PDE1C: variants seen among roughly 807,000 people sequenced by gnomAD.
PDE1C encodes the protein phosphodiesterase 1C, also known as dual specificity calcium/calmodulin-dependent 3',5'-cyclic nucleotide phosphodiesterase 1C.
In PDE1C, 62 loss-of-function variants were observed where a neutral mutation model predicts 93.1. The observed-to-expected ratio is 0.67, with a 90% CI of 0.54 to 0.82. The LOEUF is 0.82. Ranked by LOEUF, PDE1C falls within the 40% of genes least tolerant of loss-of-function variation. The probability of loss-of-function intolerance (pLI) is 0.00; values close to 1 mark genes in which losing one functional copy is unlikely to be tolerated. For missense variants in PDE1C, 742 were observed against 884.6 expected (o/e 0.84, Z 2.04); for synonymous variants, 325 against 310.1 (o/e 1.05, Z -0.50).
At chr7:31,822,041 A>G (rs1789038285) in intron 14 of PDE1C, among the ~76,000 whole-genome samples, 1 of 152,086 alleles carries the variant, frequency 6.6e-6, no homozygotes, top group African/African-American at 2.4e-5. Context: ...TGGCAACTTC[A>G]GGGCTTTGAC....
intron 7 of PDE1C, among the ~76,000 whole-genome samples, chr7:31,851,226 T>A (rs1162667563): frequency 6.6e-6 from 1 of 152,180 alleles, no homozygotes; most frequent in Non-Finnish European, 1.5e-5. Flanking sequence ...GGCTTTCTGC[T>A]CTATGCATGC....
chr7:31,781,820 G>A (rs909225397), intron 16 of PDE1C, among the ~76,000 whole-genome samples: 4 of 151,818 alleles, frequency 2.6e-5, no homozygotes, highest in Admixed American at 6.6e-5. Flanking sequence ...GTTTAGTTTC[G>A]TGTGATTTGA....
chr7:31,879,280 C>A, intron 3 of PDE1C, 102 bp from the exon 4 acceptor site: 1 of 1,121,188 alleles, frequency 8.9e-7, no homozygotes, highest in South Asian at 1.6e-5. Flanking sequence ...ATGTTAGGTG[C>A]AAAGAAACCA....
chr7:32,207,355 CAAA>C (rs568631714), intron 2 of PDE1C, among the ~76,000 whole-genome samples: 4 of 110,028 alleles, frequency 3.6e-5, no homozygotes, highest in African/African-American at 3.5e-5. Flanking sequence ...CTTCCAGTCT[CAAA>C]AAAAAAAAAA....
chr7:32,255,410 G>A (rs1327991239), intron 1 of PDE1C, among the ~76,000 whole-genome samples: 2 of 152,144 alleles, frequency 1.3e-5, no homozygotes, highest in Admixed American at 6.5e-5. Context: ...ACTTGAGAGC[G>A]CATCAGAAAC....
chr7:32,318,459 G>T (rs1356023193), intron 1 of PDE1C, among the ~76,000 whole-genome samples: 1 of 151,562 alleles, frequency 6.6e-6, no homozygotes, highest in Non-Finnish European at 1.5e-5. Context: ...CTCCGCCGCG[G>T]TCTACACAGC....
intron 2 of PDE1C, among the ~76,000 whole-genome samples, chr7:32,183,793 TG>T (rs1803624895): frequency 1.3e-5 from 2 of 151,996 alleles, no homozygotes; most frequent in South Asian, 4.2e-4. Context: ...AAGACAAAAT[TG>T]ACAAATAGGA....
At chr7:32,171,728 T>G (rs376590460) in intron 2 of PDE1C, among the ~76,000 whole-genome samples, 1 of 151,106 alleles carries the variant, frequency 6.6e-6, no homozygotes, top group East Asian at 1.9e-4. Context: ...ATAAATTATA[T>G]GACAATACTA....
chr7:31,818,279 G>A (rs1463175225), intron 14 of PDE1C, among the ~76,000 whole-genome samples: 1 of 152,182 alleles, frequency 6.6e-6, no homozygotes, highest in African/African-American at 2.4e-5. Flanking sequence ...CAGAGTGAAA[G>A]AATGCTCTTG....
intron 2 of PDE1C, among the ~76,000 whole-genome samples, chr7:32,037,709 C>T (rs1252494177): frequency 3.3e-5 from 5 of 152,078 alleles, no homozygotes; most frequent in Non-Finnish European, 7.4e-5. Flanking sequence ...ATTGAAATTA[C>T]CTGTCTGGGT....
chr7:31,680,979 C>T, the PDE1C span, among the ~76,000 whole-genome samples: 1 of 152,152 alleles, frequency 6.6e-6, no homozygotes, highest in African/African-American at 2.4e-5. Context: ...ATATTCAGGC[C>T]AGCCAATTGA....
At chr7:32,058,908 T>C (rs979036641) in intron 1 of PDE1C, among the ~76,000 whole-genome samples, 5 of 151,876 alleles carry the variant, frequency 3.3e-5, no homozygotes, top group African/African-American at 4.8e-5. Context: ...GATTTCATTT[T>C]CCTGCCTGGC....
chr7:32,251,056 C>T lies in PDE1C; in HGVS notation c.86-41517G>A, dbSNP rs368363223. Among the ~76,000 whole-genome samples, 124 of 152,348 alleles carry T rather than the reference C, an allele frequency of 8.1e-4. 2 individuals carry two copies. The South Asian group carries it at 0.025, about 30-fold the overall frequency. ...ATGACGGATTATCAACACACACATG[C>T]GAGCGTGCACAAGCACAAGCGCGCG... is the stretch of plus-strand genomic sequence containing the variant. On this transcript the variant is annotated intron_variant, in intron 1 of 18. Transcript: ENST00000396193.
intron 2 of PDE1C, among the ~76,000 whole-genome samples, chr7:31,989,235 C>T (rs1017024971): frequency 6.6e-6 from 1 of 152,060 alleles, no homozygotes; most frequent in African/African-American, 2.4e-5. Context: ...GTGTTAAGGT[C>T]ATATCCTCCT....
chr7:31,716,400 C>T, the PDE1C span, among the ~76,000 whole-genome samples: 1 of 152,268 alleles, frequency 6.6e-6, no homozygotes, highest in Admixed American at 6.5e-5. Flanking sequence ...GGAGGGTCAG[C>T]TATTACCATG....
intron 6 of PDE1C, among the ~76,000 whole-genome samples, chr7:31,865,514 A>G (rs1173143888): frequency 6.6e-6 from 1 of 152,236 alleles, no homozygotes; most frequent in Non-Finnish European, 1.5e-5. Context: ...ATAGGACACC[A>G]AACAATGTTG....
exon 1 of PDE1C, chr7:32,299,222 A>T: frequency 1.0e-6 from 1 of 988,794 alleles, no homozygotes; most frequent in South Asian, 4.7e-5. Flanking sequence ...TCTTCTAGAT[A>T]TGTTTTCTCT....
intron 16 of PDE1C, among the ~76,000 whole-genome samples, chr7:31,800,756 T>C (rs978237982): frequency 4.0e-5 from 6 of 151,376 alleles, no homozygotes; most frequent in African/African-American, 1.5e-4. Flanking sequence ...AATCAGCTTG[T>C]CAATTTCTAC....
intron 3 of PDE1C, among the ~76,000 whole-genome samples, chr7:32,088,761 G>A (rs1797283702): frequency 6.6e-6 from 1 of 152,076 alleles, no homozygotes; most frequent in African/African-American, 2.4e-5. Flanking sequence ...CCGTGAAATG[G>A]TTCAGGAAAG....
Sources: allele counts gnomAD v4.1 joint callset (sites outside exome capture counted in the v4.1 genomes callset), GRCh38; gene constraint gnomAD v4.1.1; transcripts MANE v1.5; gene names NCBI Gene and HGNC (gene_info 2026-07-23, HGNC 2026-07-21).